Variants in SSBP2 observed in about 807,000 individuals in gnomAD.
SSBP2 encodes the protein single-stranded DNA-binding protein 2.
In SSBP2, 17 loss-of-function variants were observed where a neutral mutation model predicts 61.8. That is an observed-to-expected ratio of 0.28 (90% CI 0.19 to 0.41). The LOEUF is 0.41. Among genes scored for constraint, SSBP2 ranks in the 10% least tolerant of loss-of-function variants. The pLI is 1.00. For missense variants in SSBP2, 310 were observed against 458.7 expected (o/e 0.68, Z 2.96); for synonymous variants, 139 against 141.3 (o/e 0.98, Z 0.12).
intron 5 of SSBP2, among the ~76,000 whole-genome samples, chr5:81,493,852 C>T (rs1767090161): frequency 6.6e-6 from 1 of 152,142 alleles, no homozygotes; most frequent in African/African-American, 2.4e-5. Context: ...CCTGCCTTGA[C>T]TTCCCAAAGT....
Position 81,453,097 on chromosome 5 carries a change from C to T in SSBP2, c.688-4272G>A, listed in dbSNP as rs114916673. 7.8e-3 allele frequency among the ~76,000 whole-genome samples: 1,184 copies of T among 151,612 alleles called. 11 individuals are homozygous for T. Among genetic ancestry groups the T allele is most frequent in the African/African-American group, 0.021 (876 of 41,284 alleles). ...ACTGCTTGAGCCCAGGAGTTTGAGA[C>T]GAACCTGGGCAATATGGCAAAACCT... is the stretch of plus-strand genomic sequence containing the variant. On this transcript the variant is annotated intron_variant, in intron 10 of 16. Coordinates refer to ENST00000320672, the MANE Select transcript of SSBP2 (RefSeq NM_012446.5).
At chr5:81,718,790 C>T (rs1308570966) in intron 1 of SSBP2, among the ~76,000 whole-genome samples, 1 of 152,152 alleles carries the variant, frequency 6.6e-6, no homozygotes, top group Non-Finnish European at 1.5e-5. Context: ...GTAAGAAATG[C>T]ACTGATTAGC....
At chr5:81,650,055 G>GGCT (rs1231667917) in intron 2 of SSBP2, among the ~76,000 whole-genome samples, 1 of 152,008 alleles carries the variant, frequency 6.6e-6, no homozygotes, top group African/African-American at 2.4e-5. Flanking sequence ...AAGAGAAAAT[G>GGCT]GCTGGAAAGG....
intron 5 of SSBP2, among the ~76,000 whole-genome samples, chr5:81,507,605 T>C (rs1768277648): frequency 6.6e-6 from 1 of 152,148 alleles, no homozygotes. Flanking sequence ...TGTTTTTATA[T>C]AAAGGATATG....
At chr5:81,555,328 A>G (rs1170319406) in intron 4 of SSBP2, among the ~76,000 whole-genome samples, 2 of 152,096 alleles carry the variant, frequency 1.3e-5, no homozygotes, top group East Asian at 3.8e-4. Flanking sequence ...ATGTTCCTAA[A>G]TGTGATTTAT....
chr5:81,560,606 C>G (rs1257204519), intron 4 of SSBP2, among the ~76,000 whole-genome samples: 1 of 152,158 alleles, frequency 6.6e-6, no homozygotes, highest in Non-Finnish European at 1.5e-5. Context: ...AGACTCCATC[C>G]AGAGAGAAGC....
chr5:81,716,125 C>T (rs1460811808), intron 1 of SSBP2, among the ~76,000 whole-genome samples: 1 of 150,948 alleles, frequency 6.6e-6, no homozygotes, highest in Non-Finnish European at 1.5e-5. Flanking sequence ...TTATCTTCCA[C>T]TGTGGGAAGT....
At chr5:81,605,851 A>C (rs150785316) in intron 4 of SSBP2, among the ~76,000 whole-genome samples, 1 of 152,298 alleles carries the variant, frequency 6.6e-6, no homozygotes, top group East Asian at 1.9e-4. Context: ...TTTCAGAGGC[A>C]GAAGCAGAAA....
In SSBP2 at chr5:81,666,103, T is replaced by C. The variant is rs116079192; in HGVS notation, c.63-15764A>G. Among the ~76,000 whole-genome samples the C allele has an allele frequency of 6.5e-3, 997 of 152,294 alleles. 16 individuals are homozygous for C. The highest frequency in any genetic ancestry group is 0.023 in the African/African-American group (955 of 41,550). On this transcript the variant is annotated intron_variant, in intron 1 of 16. Transcript: ENST00000320672. Reference sequence around the variant, plus strand: ...AGAAATCTGTTTTTAACATTGTCTTTTTTAAGTTCCTCATTATTAACACTT... The same window carrying C: ...AGAAATCTGTTTTTAACATTGTCTTCTTTAAGTTCCTCATTATTAACACTT...
intron 1 of SSBP2, 46 bp downstream of exon 1, chr5:81,750,934 GT>G (rs767100911): frequency 6.4e-7 from 1 of 1,553,368 alleles, no homozygotes; most frequent in East Asian, 2.4e-5. Context: ...GTGCGTGAGT[GT>G]GCGCGCGTGT....
At chr5:81,698,540 G>A (rs373732945) in intron 1 of SSBP2, among the ~76,000 whole-genome samples, 6 of 152,178 alleles carry the variant, frequency 3.9e-5, no homozygotes, top group East Asian at 1.9e-4. Context: ...GGCCACGTGC[G>A]GTGGCTCACG....
chr5:81,601,849 A>G (rs183680664), intron 4 of SSBP2, among the ~76,000 whole-genome samples: 1 of 152,320 alleles, frequency 6.6e-6, no homozygotes, highest in East Asian at 1.9e-4. Context: ...CTCAATCTGA[A>G]GACCTGTGAA....
intron 1 of SSBP2, among the ~76,000 whole-genome samples, chr5:81,652,955 TC>T (rs950757263): frequency 6.6e-6 from 1 of 151,782 alleles, no homozygotes; most frequent in African/African-American, 2.4e-5. Context: ...TTTTTTTTTT[TC>T]ATTATACTTT....
At chr5:81,699,820 C>T (rs1753846542) in intron 1 of SSBP2, among the ~76,000 whole-genome samples, 1 of 151,288 alleles carries the variant, frequency 6.6e-6, no homozygotes, top group African/African-American at 2.4e-5. Context: ...AGAGGAATCA[C>T]TATTTATGAC....
intron 4 of SSBP2, among the ~76,000 whole-genome samples, chr5:81,587,846 GAA>G (rs961632301): frequency 5.8e-4 from 88 of 152,194 alleles, no homozygotes; most frequent in African/African-American, 2.1e-3. Context: ...AGAAAGGAAA[GAA>G]ATGTGAAACC....
chr5:81,484,085 G>A (rs9293275), intron 6 of SSBP2, among the ~76,000 whole-genome samples: 103,462 of 151,996 alleles, frequency 0.68, 37,308 homozygotes, highest in African/African-American at 0.91. Context: ...CCACATCTAG[G>A]ATGGTACCTG....
Position 81,541,144 on chromosome 5 carries a change from C to G in SSBP2, c.283-27427G>C, listed in dbSNP as rs371618722. On this transcript the variant is annotated intron_variant, in intron 4 of 16. Coordinates refer to ENST00000320672, the MANE Select transcript of SSBP2 (RefSeq NM_012446.5). Reference sequence around the variant, plus strand: ...AATCATGTTCAAGCTGAGAGCCAAACCAAGAATGCAATCCCATTTACTATA... The same window carrying G: ...AATCATGTTCAAGCTGAGAGCCAAAGCAAGAATGCAATCCCATTTACTATA... Among the ~76,000 whole-genome samples the G allele has an allele frequency of 3.2e-4, 49 of 152,046 alleles. No individual in the cohort carries two copies. In the Middle Eastern group the frequency reaches 0.01, roughly 32 times the overall value.
At chr5:81,660,317 A>G (rs1192422550) in intron 1 of SSBP2, among the ~76,000 whole-genome samples, 1 of 152,218 alleles carries the variant, frequency 6.6e-6, no homozygotes, top group African/African-American at 2.4e-5. Flanking sequence ...AAAAATGCAC[A>G]AGAAAAAAAC....
intron 6 of SSBP2, among the ~76,000 whole-genome samples, chr5:81,476,861 C>A (rs978302879): frequency 2.6e-5 from 4 of 152,052 alleles, no homozygotes; most frequent in Non-Finnish European, 5.9e-5. Context: ...AAAAGCTTTT[C>A]TTATTTATTC....
Sources: allele counts gnomAD v4.1 joint callset (sites outside exome capture counted in the v4.1 genomes callset), GRCh38; gene constraint gnomAD v4.1.1; transcripts MANE v1.5; gene names NCBI Gene and HGNC (gene_info 2026-07-23, HGNC 2026-07-21).